The following CREBBP variants were observed in gnomAD, a reference collection of about 807,000 sequenced individuals.
The protein encoded by CREBBP is CREB-binding protein.
In CREBBP, 19 loss-of-function variants were observed where a neutral mutation model predicts 265.0. That is an observed-to-expected ratio of 0.07 (90% CI 0.05 to 0.11). CREBBP has a LOEUF of 0.11. CREBBP is among the 10% of genes least tolerant of loss of function. The probability of loss-of-function intolerance (pLI) is 1.00; values close to 1 mark genes in which losing one functional copy is unlikely to be tolerated. For missense variants in CREBBP, 2,525 were observed against 3,219.0 expected (o/e 0.78, Z 5.22); for synonymous variants, 1,457 against 1,223.7 (o/e 1.19, Z -3.98).
intron 1 of CREBBP, among the ~76,000 whole-genome samples, chr16:3,872,313 G>C (rs1381789056): frequency 1.3e-5 from 2 of 152,140 alleles, no homozygotes; most frequent in Non-Finnish European, 2.9e-5. Context: ...TGATTTGTGT[G>C]CCCTTGCTCA....
chr16:3,774,511 G>T, intron 12 of CREBBP, 58 bp downstream of exon 12: 1 of 1,610,008 alleles, frequency 6.2e-7, no homozygotes, highest in Non-Finnish European at 8.5e-7. Flanking sequence ...CTGCTGCTTA[G>T]ATAATGTTCC....
rs2053189709 is a variant in CREBBP, at chr16:3,778,112, G to A, written c.2012C>T (p.Ser671Leu). 1.2e-6 allele frequency: 2 copies of A among 1,613,790 alleles called. No individual in the cohort carries two copies. Among genetic ancestry groups the A allele is most frequent in the Non-Finnish European group, 1.7e-6 (2 of 1,179,760 alleles). The change falls in exon 10 of 31, where the codon TCG (serine) becomes TTG (leucine). Residue 671 changes from serine (S) to leucine (L), a missense_variant. Transcript: ENST00000262367. The part of the protein sequence containing the change: ...IQKELEEKRR[S>L]RLHKQGILGN... Reference sequence around the variant, plus strand: ...CAAGATGCCTTGTTTATGTAAACGCGACCTCCGTTTTTCTTCTAGTTCTTT... The same window carrying A: ...CAAGATGCCTTGTTTATGTAAACGCAACCTCCGTTTTTCTTCTAGTTCTTT...
At chr16:3,809,487 T>C (rs2053895242) in intron 3 of CREBBP, among the ~76,000 whole-genome samples, 1 of 152,186 alleles carries the variant, frequency 6.6e-6, no homozygotes, top group East Asian at 1.9e-4. Context: ...CAACCACCTT[T>C]TTAAATGGAG....
rs1477360210 is a variant in CREBBP, at chr16:3,786,152, C to T, written c.1331-3226G>A. ...CCGAGGCAGGTGGATCACTTGAGGTCAGGAGTTCGAGACCAGCCTGGCTAA... is the reference window on the plus strand; with the variant it reads ...CCGAGGCAGGTGGATCACTTGAGGTTAGGAGTTCGAGACCAGCCTGGCTAA... On this transcript the variant is annotated intron_variant, in intron 5 of 30. Transcript: ENST00000262367. 2.0e-5 allele frequency among the ~76,000 whole-genome samples: 3 copies of T among 152,308 alleles called. 1 individual carries two copies. In the East Asian group the frequency reaches 5.8e-4, roughly 29 times the overall value.
chr16:3,873,959 C>T (rs2055349335), intron 1 of CREBBP, among the ~76,000 whole-genome samples: 1 of 152,122 alleles, frequency 6.6e-6, no homozygotes, highest in African/African-American at 2.4e-5. Flanking sequence ...CAGGCACTGC[C>T]CCTGGGGAGG....
At chr16:3,734,556 C>A (rs2052001645) in intron 28 of CREBBP, among the ~76,000 whole-genome samples, 1 of 152,206 alleles carries the variant, frequency 6.6e-6, no homozygotes, top group African/African-American at 2.4e-5. Flanking sequence ...TCCCGTGTCA[C>A]CCTTAGGAGA....
chr16:3,810,668 C>T lies in CREBBP; in HGVS notation c.910G>A (p.Val304Ile), dbSNP rs766101764. The change falls in exon 3 of 31, where the codon GTC (valine) becomes ATC (isoleucine). Residue 304 changes from valine (V) to isoleucine (I), a missense_variant. Around this residue, in one of 19 missense-constraint regions of CREBBP, gnomAD observed 126 missense variants for 171.9 expected, o/e 0.73. Transcript: ENST00000262367. ...GTAGGGAAGGTGGGCAAACTGTTGACCATGCTCTGTTTGCTGGCTAACTGG... is the reference window on the plus strand; with the variant it reads ...GTAGGGAAGGTGGGCAAACTGTTGATCATGCTCTGTTTGCTGGCTAACTGG... ...NPQLASKQSMVNSLPTFPTDI... is the reference protein window; with the variant it reads ...NPQLASKQSMINSLPTFPTDI... 3 of 1,613,796 alleles carry T rather than the reference C, an allele frequency of 1.9e-6. No individual in the cohort carries two copies. The Admixed American group carries it at 5.0e-5, about 27-fold the overall frequency.
At chr16:3,831,896 C>T (rs1048554511) in intron 2 of CREBBP, among the ~76,000 whole-genome samples, 1 of 151,888 alleles carries the variant, frequency 6.6e-6, no homozygotes, top group African/African-American at 2.4e-5. Flanking sequence ...ACTTGGGAGG[C>T]TGACGTGGGA....
Position 3,726,345 on chromosome 16 carries a change from A to C in CREBBP, c.*1373T>G. 4.3e-6 allele frequency: 1 copy of C among 233,284 alleles called. No individual in the cohort carries two copies. The highest frequency in any genetic ancestry group is 8.5e-6 in the Non-Finnish European group (1 of 118,076). 14.5% of individuals were successfully genotyped at this position (233,284 alleles called of 1,614,324 possible). A position where few individuals can be genotyped will look rare whatever the true frequency, so the allele number is the denominator to read the frequency against. ...GTGGGCCAAATGCAGTTTCAGACCA[A>C]CTGACGACCCTAACTGTGTGAGCGA... On this transcript the variant is annotated 3_prime_UTR_variant, in exon 31 of 31. Transcript: ENST00000262367.
intron 18 of CREBBP, 68 bp from the exon 19 acceptor site, chr16:3,757,444 G>A: frequency 7.9e-7 from 1 of 1,272,592 alleles, no homozygotes; most frequent in Non-Finnish European, 1.1e-6. Context: ...TAATGTTCTA[G>A]TCTACTATAG....
chr16:3,866,662 A>G lies in CREBBP; in HGVS notation c.85+13170T>C, dbSNP rs1411496685. ...CATTTATGGTTTTTTGCTTTGTTTG[A>G]AAAAAAACCCTCAGAATATAAAATG... On this transcript the variant is annotated intron_variant, in intron 1 of 30. Transcript: ENST00000262367. Among the ~76,000 whole-genome samples, 11 of 151,912 alleles carry G rather than the reference A, an allele frequency of 7.2e-5. No homozygotes were observed. The South Asian group carries it at 1.9e-3, about 26-fold the overall frequency.
At chr16:3,872,604 G>A (rs1255417001) in intron 1 of CREBBP, among the ~76,000 whole-genome samples, 1 of 152,204 alleles carries the variant, frequency 6.6e-6, no homozygotes, top group Non-Finnish European at 1.5e-5. Context: ...GGGATGCACT[G>A]CAAGGAAAAG....
In CREBBP at chr16:3,775,755, G is replaced by T. The variant is rs145361280; in HGVS notation, c.2159-1062C>A. 7.9e-5 allele frequency among the ~76,000 whole-genome samples: 12 copies of T among 152,298 alleles called. No individual in the cohort carries two copies. The East Asian group carries it at 2.1e-3, about 27-fold the overall frequency. On this transcript the variant is annotated intron_variant, in intron 11 of 30. Coordinates refer to ENST00000262367, the MANE Select transcript of CREBBP (RefSeq NM_004380.3). ...TGTGCTGGTAGGGAGGTTGCTAAGT[G>T]CATAACTAGAAAACATCTATTCCAA...
At position 3,768,588 on chromosome 16, in the gene CREBBP, G is replaced by A. The variant is rs529465037; in HGVS notation, c.3060+586C>T. Among the ~76,000 whole-genome samples the A allele has an allele frequency of 4.6e-5, 7 of 152,350 alleles. No homozygotes were observed. The South Asian group carries it at 6.2e-4, about 14-fold the overall frequency. On this transcript the variant is annotated intron_variant, in intron 15 of 30. Transcript: ENST00000262367. The stretch of plus-strand genomic sequence containing the variant: ...AAAGTCCTTCTCAGAGGCAGGTGTG[G>A]TATGAGACAGGAAGGAGCAGTGGGG...
chr16:3,778,159 T>C lies in CREBBP; in HGVS notation c.1965A>G (p.Ala655=), dbSNP rs748515852. 2 of 1,610,582 alleles carry C rather than the reference T, an allele frequency of 1.2e-6. No homozygotes were observed. The highest frequency in any genetic ancestry group is 3.3e-5 in the Admixed American group (2 of 60,008). ...CTTTTTGTATCTTGTAGATTTTCTC[T>C]GCTAATAAGTGATAATATTCATCCT... is the stretch of plus-strand genomic sequence containing the variant. ...NSRDEYYHLL[A]EKIYKIQKEL... The change falls in exon 10 of 31, where the codon GCA becomes GCG. Residue 655 remains alanine, a synonymous_variant. Transcript: ENST00000262367.
intron 1 of CREBBP, among the ~76,000 whole-genome samples, chr16:3,855,252 G>A (rs973173261): frequency 1.3e-5 from 2 of 152,130 alleles, no homozygotes; most frequent in Admixed American, 6.5e-5. Context: ...TTTGTCTTTC[G>A]TAAGTGACAT....
At chr16:3,774,861 C>T (rs1237682252) in intron 11 of CREBBP, 168 bp from the exon 12 acceptor site, 1 of 909,954 alleles carries the variant, frequency 1.1e-6, no homozygotes, top group Admixed American at 2.1e-5. Context: ...ACAGACTTCT[C>T]CATATCCAGA....
At chr16:3,853,183 T>C (rs529795336) in intron 1 of CREBBP, among the ~76,000 whole-genome samples, 1 of 152,240 alleles carries the variant, frequency 6.6e-6, no homozygotes, top group African/African-American at 2.4e-5. Flanking sequence ...AACGCTGTTG[T>C]GAGGACCAAA....
chr16:3,768,974 T>G (rs1220902402), intron 15 of CREBBP, among the ~76,000 whole-genome samples, 200 bp downstream of exon 15: 1 of 152,138 alleles, frequency 6.6e-6, no homozygotes, highest in Non-Finnish European at 1.5e-5. Flanking sequence ...TCGGGCAAAA[T>G]AAACCCACCC....
Sources: gnomAD v4.1 joint callset for allele counts (sites outside exome capture counted in the v4.1 genomes callset) on GRCh38, gnomAD v4.1.1 for gene constraint, gnomAD v4.1.1 regional missense constraint, MANE v1.5 for transcripts, NCBI Gene and HGNC (gene_info 2026-07-23, HGNC 2026-07-21) for gene names.